The following KIAA1549L variants were observed in gnomAD, a reference collection of about 807,000 sequenced individuals.
KIAA1549L encodes KIAA1549 like.
In KIAA1549L, 88 loss-of-function variants were observed where a neutral mutation model predicts 160.7. The observed-to-expected ratio is 0.55, with a 90% confidence interval of 0.46 to 0.65. The LOEUF (loss-of-function observed/expected upper bound fraction) is 0.65, where lower values mean the gene tolerates loss of function less well. Ranked by LOEUF, KIAA1549L falls within the 30% of genes least tolerant of loss-of-function variation. The pLI is 0.00. For synonymous variants in KIAA1549L, 950 were observed against 976.7 expected, an observed-to-expected ratio of 0.97 and a Z score of 0.51; for missense variants, 2,258 against 2,437.5, an observed-to-expected ratio of 0.93 and a Z score of 1.55.
chr11:33,615,833 T>G (rs1850794859), intron 15 of KIAA1549L, among the ~76,000 whole-genome samples: 1 of 152,234 alleles, frequency 6.6e-6, no homozygotes, highest in South Asian at 2.1e-4. Flanking sequence ...CTAAATGGGC[T>G]AATTGATAAT....
At chr11:33,644,431 C>A (rs1172251779) in intron 16 of KIAA1549L, among the ~76,000 whole-genome samples, 1 of 152,134 alleles carries the variant, frequency 6.6e-6, no homozygotes, top group East Asian at 1.9e-4. Context: ...ACTTGCTGTG[C>A]TTATTTTATA....
intron 10 of KIAA1549L, among the ~76,000 whole-genome samples, chr11:33,578,536 T>C (rs1427970726): frequency 6.6e-6 from 1 of 152,200 alleles, no homozygotes; most frequent in East Asian, 1.9e-4. Context: ...ATTAGAGTCA[T>C]TGTAATAAAA....
chr11:33,499,372 G>T (rs1852892273), intron 1 of KIAA1549L, among the ~76,000 whole-genome samples: 1 of 152,262 alleles, frequency 6.6e-6, no homozygotes, highest in Non-Finnish European at 1.5e-5. Flanking sequence ...GGTTTAAGTA[G>T]TGAGGGTTGC....
At chr11:33,487,554 G>A (rs1852559107) in intron 1 of KIAA1549L, among the ~76,000 whole-genome samples, 1 of 152,104 alleles carries the variant, frequency 6.6e-6, no homozygotes, top group Non-Finnish European at 1.5e-5. Flanking sequence ...AGCTTTGGTG[G>A]CCATTCTTTT....
At chr11:33,439,157 C>T (rs1342182217) in intron 1 of KIAA1549L, among the ~76,000 whole-genome samples, 5 of 152,262 alleles carry the variant, frequency 3.3e-5, no homozygotes, top group Admixed American at 6.5e-5. Flanking sequence ...GGTGATCCAC[C>T]TGCCTTGGCC....
chr11:33,634,294 C>T (rs1487630151), intron 16 of KIAA1549L, among the ~76,000 whole-genome samples: 3 of 152,100 alleles, frequency 2.0e-5, no homozygotes, highest in Non-Finnish European at 2.9e-5. Context: ...CCACCCACCT[C>T]GGCCTCCCAA....
intron 1 of KIAA1549L, among the ~76,000 whole-genome samples, chr11:33,488,729 C>T (rs1852587738): frequency 1.3e-5 from 2 of 152,216 alleles, no homozygotes. Flanking sequence ...AGTCATATTA[C>T]ATTTAGAACA....
chr11:33,574,640 TG>T, intron 9 of KIAA1549L, 61 bp from the exon 10 acceptor site: 1 of 1,488,090 alleles, frequency 6.7e-7, no homozygotes, highest in South Asian at 1.3e-5. Context: ...GCTGATCACC[TG>T]GGTGATTGCA....
intron 1 of KIAA1549L, among the ~76,000 whole-genome samples, chr11:33,498,115 C>A (rs371721518): frequency 2.0e-5 from 3 of 152,160 alleles, no homozygotes; most frequent in African/African-American, 4.8e-5. Context: ...ATAGGGAGAC[C>A]CAGTCTCTAC....
intron 18 of KIAA1549L, 130 bp from the exon 19 acceptor site, chr11:33,658,620 C>T: frequency 2.4e-6 from 2 of 847,686 alleles, no homozygotes; most frequent in South Asian, 1.7e-5. Context: ...GGGAATAAAT[C>T]CAGTCCTGGG....
At chr11:33,618,806 A>G in intron 16 of KIAA1549L, 144 bp downstream of exon 16, 2 of 803,498 alleles carry the variant, frequency 2.5e-6, no homozygotes, top group Non-Finnish European at 3.7e-6. Context: ...TTTATTACCT[A>G]TTTTGCAAAG....
chr11:33,659,672 C>T (rs1852194478), intron 19 of KIAA1549L, among the ~76,000 whole-genome samples: 1 of 152,188 alleles, frequency 6.6e-6, no homozygotes, highest in South Asian at 2.1e-4. Context: ...AGAAATTCCA[C>T]CAGTGAAGTC....
chr11:33,637,556 G>A (rs1325288067), intron 16 of KIAA1549L, among the ~76,000 whole-genome samples: 1 of 152,202 alleles, frequency 6.6e-6, no homozygotes, highest in Non-Finnish European at 1.5e-5. Flanking sequence ...CACAGACTGG[G>A]TGGTATGGCT....
chr11:33,575,499 T>C (rs1209141953), intron 10 of KIAA1549L, among the ~76,000 whole-genome samples: 2 of 152,206 alleles, frequency 1.3e-5, no homozygotes, highest in African/African-American at 2.4e-5. Flanking sequence ...TTTCTCACTT[T>C]CTGTTCTCAT....
At chr11:33,627,412 T>C (rs1427990635) in intron 16 of KIAA1549L, among the ~76,000 whole-genome samples, 2 of 151,932 alleles carry the variant, frequency 1.3e-5, no homozygotes, top group African/African-American at 4.8e-5. Context: ...TGGTAAGCTA[T>C]TGATTATTGC....
chr11:33,543,603 T>C lies in KIAA1549L; in HGVS notation c.2040T>C (p.Asp680=). ...RASPSSMDVY[D]SLTIGDMKKP... is the part of the protein sequence containing the mutation. ...CGCCCTCCTCCATGGATGTATATGA[T>C]TCCTTAACAATAGGAGACATGAAAA... Residue 680 remains aspartate, a synonymous_variant, in exon 2 of 21, where the codon GAT becomes GAC. Coordinates refer to ENST00000658780, the MANE Select transcript of KIAA1549L (RefSeq NM_012194.3). 6.2e-7 allele frequency: 1 copy of C among 1,613,994 alleles called. No individual in the cohort carries two copies. The highest frequency in any genetic ancestry group is 1.1e-5 in the South Asian group (1 of 91,082).
intron 1 of KIAA1549L, among the ~76,000 whole-genome samples, chr11:33,428,009 G>T (rs2761200): frequency 6.0e-4 from 91 of 151,916 alleles, no homozygotes; most frequent in Admixed American, 7.9e-4. Flanking sequence ...TTGCTTATCA[G>T]TTCGTCCACT....
intron 16 of KIAA1549L, among the ~76,000 whole-genome samples, chr11:33,640,322 T>C (rs552126853): frequency 1.3e-5 from 2 of 152,334 alleles, no homozygotes; most frequent in South Asian, 4.1e-4. Flanking sequence ...AAATACATCA[T>C]ACTCAGTAAA....
chr11:33,597,992 A>G (rs1249843896), intron 12 of KIAA1549L, among the ~76,000 whole-genome samples: 1 of 152,186 alleles, frequency 6.6e-6, no homozygotes, highest in Admixed American at 6.5e-5. Flanking sequence ...AGCACGCAGT[A>G]AAGTCCTTGG....
Sources: gnomAD v4.1 joint callset for allele counts (sites outside exome capture counted in the v4.1 genomes callset) on GRCh38, gnomAD v4.1.1 for gene constraint, MANE v1.5 for transcripts, NCBI Gene and HGNC (gene_info 2026-07-23, HGNC 2026-07-21) for gene names.